RBPMS: variants seen among roughly 807,000 people sequenced by gnomAD.
RBPMS encodes RNA binding protein, mRNA processing factor, also known as RNA-binding protein with multiple splicing.
A neutral mutation model predicts 26.8 loss-of-function variants in RBPMS; 7 were observed. The observed-to-expected ratio is 0.26, with a 90% CI of 0.15 to 0.49. The LOEUF (loss-of-function observed/expected upper bound fraction) is 0.49, where lower values mean the gene tolerates loss of function less well. RBPMS is among the 20% of genes least tolerant of loss of function. The probability of loss-of-function intolerance (pLI) is 0.98; values close to 1 mark genes in which losing one functional copy is unlikely to be tolerated. For missense variants in RBPMS, 186 were observed against 250.0 expected, an observed-to-expected ratio of 0.74 and a Z score of 1.73; for synonymous variants, 96 against 93.3, an observed-to-expected ratio of 1.03 and a Z score of -0.17.
intron 5 of RBPMS, among the ~76,000 whole-genome samples, chr8:30,526,743 T>TA (rs1823633249): frequency 1.3e-5 from 2 of 152,184 alleles, no homozygotes; most frequent in South Asian, 4.1e-4. Context: ...GAGTTGATGG[T>TA]GTGCAATAAA....
chr8:30,540,576 C>A (rs903919056), intron 5 of RBPMS, among the ~76,000 whole-genome samples: 2 of 152,088 alleles, frequency 1.3e-5, no homozygotes, highest in Non-Finnish European at 2.9e-5. Context: ...AAGGCATGCA[C>A]CGCCAGGCCT....
At chr8:30,422,103 T>A (rs185856455) in intron 1 of RBPMS, among the ~76,000 whole-genome samples, 244 of 151,760 alleles carry the variant, frequency 1.6e-3, no homozygotes, top group African/African-American at 5.4e-3. Flanking sequence ...TTTTCTTATT[T>A]TTTTATTTTA....
chr8:30,456,182 T>C (rs1185355456), intron 1 of RBPMS, among the ~76,000 whole-genome samples: 2 of 152,040 alleles, frequency 1.3e-5, no homozygotes, highest in African/African-American at 4.8e-5. Context: ...ATATTTGTTG[T>C]TTTTTAGCGT....
chr8:30,446,575 CT>C (rs1813793301), intron 1 of RBPMS, among the ~76,000 whole-genome samples: 1 of 152,176 alleles, frequency 6.6e-6, no homozygotes, highest in African/African-American at 2.4e-5. Flanking sequence ...AGTAATGTGG[CT>C]TAACCATAAT....
At chr8:30,461,132 A>G (rs1308631311) in intron 1 of RBPMS, among the ~76,000 whole-genome samples, 1 of 152,052 alleles carries the variant, frequency 6.6e-6, no homozygotes, top group Admixed American at 6.5e-5. Context: ...CCCTAACTAC[A>G]TAGCTTCTAC....
intron 1 of RBPMS, among the ~76,000 whole-genome samples, chr8:30,389,852 TTC>T (rs1807578669): frequency 6.6e-6 from 1 of 152,182 alleles, no homozygotes; most frequent in Admixed American, 6.5e-5. Flanking sequence ...TTATATACTA[TTC>T]TCTGTGTTCT....
At chr8:30,436,282 G>GT (rs1812438646) in intron 1 of RBPMS, among the ~76,000 whole-genome samples, 1 of 151,888 alleles carries the variant, frequency 6.6e-6, no homozygotes, top group South Asian at 2.1e-4. Context: ...ATTTTACTAT[G>GT]GACAGTTCCA....
intron 6 of RBPMS, chr8:30,547,620 A>G (rs1825977087): frequency 1.4e-6 from 1 of 706,812 alleles, no homozygotes; most frequent in African/African-American, 1.8e-5. Flanking sequence ...CTGTGACACC[A>G]AGTCTATTTT....
chr8:30,469,246 C>G (rs772753458), intron 1 of RBPMS, among the ~76,000 whole-genome samples: 24 of 152,224 alleles, frequency 1.6e-4, no homozygotes, highest in Non-Finnish European at 3.4e-4. Flanking sequence ...TGCTTTTGGC[C>G]TTTCTCTCCA....
At chr8:30,387,119 G>A (rs946108848) in intron 1 of RBPMS, 4 of 152,080 alleles carry the variant, frequency 2.6e-5, no homozygotes, top group African/African-American at 9.7e-5. Context: ...TCCTTTTCAG[G>A]TAGGAATGGC....
At chr8:30,432,755 G>T (rs944580544) in intron 1 of RBPMS, among the ~76,000 whole-genome samples, 1 of 151,956 alleles carries the variant, frequency 6.6e-6, no homozygotes, top group Non-Finnish European at 1.5e-5. Flanking sequence ...CAGTAGTTTC[G>T]ATTTATTCTT....
intron 1 of RBPMS, among the ~76,000 whole-genome samples, chr8:30,459,781 C>A (rs1387524337): frequency 2.0e-5 from 3 of 152,108 alleles, no homozygotes; most frequent in Non-Finnish European, 4.4e-5. Flanking sequence ...TTATACAGTG[C>A]CAGATTAAAT....
At position 30,479,348 on chromosome 8, in the gene RBPMS, G is replaced by A. The variant is rs1189653239; in HGVS notation, c.217G>A (p.Glu73Lys). The A allele has an allele frequency of 6.2e-6, 10 of 1,604,916 alleles. No homozygotes were observed. Among genetic ancestry groups the A allele is most frequent in the Non-Finnish European group, 8.5e-6 (10 of 1,177,608 alleles). ...VGFVSFDSRS[E>K]AEAAKNALNG... Reference sequence around the variant, plus strand: ...TTTTGTCAGTTTTGACAGTCGCTCAGAAGCAGAGGCTGCAAAGAATGCTTT... The same window carrying A: ...TTTTGTCAGTTTTGACAGTCGCTCAAAAGCAGAGGCTGCAAAGAATGCTTT... Residue 73 changes from glutamate to lysine, a missense_variant, in exon 4 of 9, where the codon GAA (glutamate) becomes AAA (lysine). Glu to Lys is a moderately conservative substitution (Grantham distance 56, BLOSUM62 1). This residue lies in a region of RBPMS where 50 missense variants were observed against 108.5 expected (regional missense o/e 0.46). Coordinates refer to ENST00000397323, the MANE Select transcript of RBPMS (RefSeq NM_001008710.3).
At chr8:30,516,901 A>AAC (rs1209034874) in intron 5 of RBPMS, among the ~76,000 whole-genome samples, 2 of 87,988 alleles carry the variant, frequency 2.3e-5, no homozygotes, top group Non-Finnish European at 5.3e-5. Context: ...TCCATCTCTA[A>AAC]ATACACACAC....
At chr8:30,502,245 G>A (rs1312476409) in intron 4 of RBPMS, among the ~76,000 whole-genome samples, 3 of 151,542 alleles carry the variant, frequency 2.0e-5, no homozygotes, top group African/African-American at 7.3e-5. Flanking sequence ...AGGGGGCAGG[G>A]AGTAGGGGAG....
At position 30,460,604 on chromosome 8, in the gene RBPMS, G is replaced by A. The variant is rs116082408; in HGVS notation, c.67-14175G>A. ...TTTCTATATTACATCAGATATATCT[G>A]GAATTAAGTATAGATATTAAAGGAG... is the stretch of plus-strand genomic sequence containing the variant. On this transcript the variant is annotated intron_variant, in intron 1 of 8. Transcript: ENST00000397323. Among the ~76,000 whole-genome samples the A allele has an allele frequency of 1.3e-3, 202 of 152,126 alleles. 2 individuals are homozygous for A. The highest frequency in any genetic ancestry group is 4.7e-3 in the African/African-American group (195 of 41,492).
At chr8:30,545,245 T>C in intron 6 of RBPMS, 1 of 1,230,990 alleles carries the variant, frequency 8.1e-7, no homozygotes, top group Non-Finnish European at 1.0e-6. Flanking sequence ...TCTGACCAGC[T>C]TTCTTTCTTA....
intron 1 of RBPMS, among the ~76,000 whole-genome samples, chr8:30,432,728 G>T (rs1050391483): frequency 6.6e-6 from 1 of 152,064 alleles, no homozygotes; most frequent in Non-Finnish European, 1.5e-5. Context: ...AAAGTTTCTG[G>T]CTCATTCATA....
At chr8:30,451,658 G>A (rs911121524) in intron 1 of RBPMS, among the ~76,000 whole-genome samples, 3 of 152,118 alleles carry the variant, frequency 2.0e-5, no homozygotes, top group African/African-American at 7.2e-5. Flanking sequence ...TTCCCAGCAG[G>A]CAACAGTCTG....
Sources: allele counts gnomAD v4.1 joint callset (sites outside exome capture counted in the v4.1 genomes callset), GRCh38; gene constraint gnomAD v4.1.1; regional missense constraint gnomAD v4.1.1; transcripts MANE v1.5; gene names NCBI Gene and HGNC (gene_info 2026-07-23, HGNC 2026-07-21).